The following UMOD variants were observed in gnomAD, a reference collection of about 807,000 sequenced individuals.
UMOD encodes the protein Tamm-Horsfall urinary glycoprotein.
A neutral mutation model predicts 66.0 loss-of-function variants in UMOD; 64 were observed. The observed-to-expected ratio is 0.97, with a 90% CI of 0.79 to 1.19. The LOEUF (loss-of-function observed/expected upper bound fraction) is 1.19. UMOD is among the 50% of genes most tolerant of loss of function. The pLI, the probability that UMOD is intolerant of heterozygous loss-of-function variation, is 0.00. For synonymous variants in UMOD, 398 were observed against 352.7 expected (o/e 1.13, Z -1.44); for missense variants, 764 against 850.9 (o/e 0.90, Z 1.27).
At chr16:20,349,818 C>T (rs1965803304) in intron 2 of UMOD, 5 of 1,550,090 alleles carry the variant, frequency 3.2e-6, no homozygotes, top group African/African-American at 2.7e-5. Flanking sequence ...AGTGTCGCCT[C>T]CTCTCTGCGG....
At chr16:20,349,302 ATTT>A in intron 2 of UMOD, 90 bp from the exon 3 acceptor site, 4 of 1,437,046 alleles carry the variant, frequency 2.8e-6, no homozygotes, top group Non-Finnish European at 3.8e-6. Context: ...GGAACTCATT[ATTT>A]TTAAGACTTA....
intron 5 of UMOD, among the ~76,000 whole-genome samples, chr16:20,345,400 T>TTTCTTTCTTTCTTTC (rs1555486827): frequency 5.1e-5 from 4 of 78,036 alleles, no homozygotes; most frequent in East Asian, 2.5e-4. Context: ...TTTTCTTTTT[T>TTTCTTTCTTTCTTTC]TTTCTTTCTT....
At chr16:20,336,940 C>A (rs1355408030) in intron 8 of UMOD, among the ~76,000 whole-genome samples, 1 of 152,186 alleles carries the variant, frequency 6.6e-6, no homozygotes, top group Non-Finnish European at 1.5e-5. Context: ...TTCTCTGAGC[C>A]CCTCTCCTCA....
chr16:20,344,203 T>TG lies in UMOD; in HGVS notation c.1183-32dup. On this transcript the variant is annotated intron_variant, in intron 5 of 10. Coordinates refer to ENST00000396138, the MANE Select transcript of UMOD (RefSeq NM_003361.4). ...GCAGGGAATGGGGGTGGAGGGGGGGTGGGGATGAGAGAAAGGGGCATGAGA... is the reference window on the plus strand; with the variant it reads ...GCAGGGAATGGGGGTGGAGGGGGGGTGGGGGATGAGAGAAAGGGGCATGAGA... The TG allele has an allele frequency of 8.3e-6, 5 of 604,022 alleles. No individual in the cohort carries two copies. The Admixed American group carries it at 8.8e-5, about 11-fold the overall frequency. 37.4% of individuals were successfully genotyped at this position (604,022 alleles called of 1,614,324 possible). A position where few individuals can be genotyped will look rare whatever the true frequency, so the allele number is the denominator to read the frequency against.
At chr16:20,354,630 C>G (rs1966004203), upstream of UMOD, among the ~76,000 whole-genome samples, 1 of 151,986 alleles carries the variant, frequency 6.6e-6, no homozygotes, top group Non-Finnish European at 1.5e-5. Flanking sequence ...GACAGTGACC[C>G]CAGGTGGCTT....
At chr16:20,347,301 G>A (rs1469743165) in intron 4 of UMOD, among the ~76,000 whole-genome samples, 1 of 152,160 alleles carries the variant, frequency 6.6e-6, no homozygotes, top group African/African-American at 2.4e-5. Flanking sequence ...GGGATTACAG[G>A]CATGAGCCAC....
chr16:20,350,396 G>A (rs560532432), intron 2 of UMOD, among the ~76,000 whole-genome samples: 1 of 152,304 alleles, frequency 6.6e-6, no homozygotes, highest in African/African-American at 2.4e-5. Flanking sequence ...GCATCGCCTG[G>A]AAGCTTGTTA....
At chr16:20,350,549 G>A (rs1323639387) in intron 2 of UMOD, 101 bp downstream of exon 2, 13 of 1,414,584 alleles carry the variant, frequency 9.2e-6, no homozygotes, top group Admixed American at 1.9e-5. Flanking sequence ...TGCGATAGGA[G>A]GATTGAGATC....
rs776749306 is a variant in UMOD at position 20,348,300 on chromosome 16, T to C, written c.896A>G (p.Glu299Gly). Residue 299 changes from glutamate to glycine, a missense_variant, in exon 4 of 11, where the codon GAG (glutamate) becomes GGG (glycine). Glu to Gly is a moderately conservative substitution (Grantham distance 98, BLOSUM62 -2). Coordinates refer to ENST00000396138, the MANE Select transcript of UMOD (RefSeq NM_003361.4). ...TTTGCAGTCCTCGTCTATACTGCAC[T>C]CCTCACACGTCCCCTCCACGGAGCT... ...DPSSVEGTCE[E>G]CSIDEDCKSN... The C allele has an allele frequency of 6.2e-7, 1 of 1,614,110 alleles. No individual in the cohort carries two copies. Among genetic ancestry groups the C allele is most frequent in the Non-Finnish European group, 8.5e-7 (1 of 1,180,054 alleles).
At chr16:20,335,295 C>A (rs1012750313) in intron 10 of UMOD, among the ~76,000 whole-genome samples, 187 bp downstream of exon 10, 1 of 152,140 alleles carries the variant, frequency 6.6e-6, no homozygotes, top group Admixed American at 6.5e-5. Flanking sequence ...CCAGCTCTTA[C>A]AATTAATAGA....
At chr16:20,338,743 C>T (rs1390861884) in intron 7 of UMOD, among the ~76,000 whole-genome samples, 2 of 151,906 alleles carry the variant, frequency 1.3e-5, no homozygotes, top group Non-Finnish European at 2.9e-5. Flanking sequence ...CCACCTGCCT[C>T]GGCCTCCCTG....
chr16:20,350,507 G>T, intron 2 of UMOD, 143 bp downstream of exon 2: 2 of 1,133,456 alleles, frequency 1.8e-6, no homozygotes, highest in Non-Finnish European at 1.3e-6. Context: ...TCTAAGAAAT[G>T]GACTTAGAAT....
chr16:20,339,511 C>T (rs1015964465), intron 7 of UMOD, among the ~76,000 whole-genome samples: 1 of 152,194 alleles, frequency 6.6e-6, no homozygotes, highest in Non-Finnish European at 1.5e-5. Context: ...CTGCTAATTG[C>T]AAAATGCTCT....
In UMOD at chr16:20,346,124, A is replaced by G. The variant is rs1965570163; in HGVS notation, c.1182+2T>C. 3 of 1,613,364 alleles carry G rather than the reference A, an allele frequency of 1.9e-6. No homozygotes were observed. The highest frequency in any genetic ancestry group is 2.2e-5 in the East Asian group (1 of 44,882). The stretch of plus-strand genomic sequence containing the variant: ...TTCTGTCCCCCACTGGCCAGGACGT[A>G]CCGTCAACACTGTCCCACAGGGGCC... On this transcript the variant is annotated splice_donor_variant, in intron 5 of 10. Transcript: ENST00000396138. LOFTEE classifies it high-confidence loss of function.
In UMOD at chr16:20,344,159, T is replaced by C. The variant is rs1596552335; in HGVS notation, c.1196A>G (p.His399Arg). The change falls in exon 6 of 11, where the codon CAT (histidine) becomes CGT (arginine). Residue 399 changes from histidine to arginine, a missense_variant. By Grantham distance (29) the His-to-Arg change is conservative (BLOSUM62 0). Coordinates refer to ENST00000396138, the MANE Select transcript of UMOD (RefSeq NM_003361.4). ...CGTVLTRNET[H>R]ATYSNTLYLA... Reference sequence around the variant, plus strand: ...GTAGAGGGTGTTGCTGTAAGTGGCATGGGTTTCATTCCTCTGTTGCAGGGA... The same window carrying C: ...GTAGAGGGTGTTGCTGTAAGTGGCACGGGTTTCATTCCTCTGTTGCAGGGA... 1 of 1,398,600 alleles carries C rather than the reference T, an allele frequency of 7.2e-7. No homozygotes were observed. The highest frequency in any genetic ancestry group is 3.5e-5 in the East Asian group (1 of 28,182). 86.6% of individuals were successfully genotyped at this position (1,398,600 alleles called of 1,614,324 possible). A position where few individuals can be genotyped will look rare whatever the true frequency, so the allele number is the denominator to read the frequency against.
chr16:20,350,665 C>T lies in UMOD; in HGVS notation c.73G>A (p.Asp25Asn), dbSNP rs772246118. The change falls in exon 2 of 11, where the codon GAC (aspartate) becomes AAC (asparagine). Residue 25 changes from aspartate (D) to asparagine (N), a missense_variant. Asp to Asn is a conservative substitution (Grantham distance 23). Coordinates refer to ENST00000396138, the MANE Select transcript of UMOD (RefSeq NM_003361.4). The part of the protein sequence containing the change: ...ASWFITTAAT[D>N]TSEARWCSEC... ...TTTCACTTACTTGCTTCTGAGGTGT[C>T]AGTGGCTGCAGTTGTGATGAACCAA... The T allele has an allele frequency of 7.6e-5, 123 of 1,614,056 alleles. No homozygotes were observed. Among genetic ancestry groups the T allele is most frequent in the Non-Finnish European group, 1.0e-4 (120 of 1,180,040 alleles).
At chr16:20,336,578 T>A (rs1005687003) in intron 9 of UMOD, 68 bp downstream of exon 9, 11 of 1,490,468 alleles carry the variant, frequency 7.4e-6, no homozygotes, top group Non-Finnish European at 1.0e-5. Context: ...TGCCAGGCTC[T>A]GTTATCCCTC....
rs1965738932 is a variant in UMOD, at chr16:20,348,821, G to A, written c.480C>T (p.Asp160=). 6.5e-7 allele frequency: 1 copy of A among 1,546,348 alleles called. No homozygotes were observed. Among genetic ancestry groups the A allele is most frequent in the Non-Finnish European group, 8.7e-7 (1 of 1,146,858 alleles). The change falls in exon 3 of 11, where the codon GAC becomes GAT. Residue 160 remains aspartate, a synonymous_variant. Transcript: ENST00000396138. ...CGAGCGCGTCGCCCTCGGGCACGCA[G>A]TCCAACCCCGGCCCGCAGGAGCCCG... The part of the protein sequence containing the change: ...CSPGSCGPGL[D]CVPEGDALVC...
chr16:20,349,585 G>C lies in UMOD; in HGVS notation c.89-373C>G, dbSNP rs116892778. ...CCTGCCTCAGCTTCCCAAAAAGTTG[G>C]GACCACAGGCACGTGCAATCGCGCC... On this transcript the variant is annotated intron_variant, in intron 2 of 10. Transcript: ENST00000396138. 2.8e-5 allele frequency: 36 copies of C among 1,306,226 alleles called. No homozygotes were observed. In the African/African-American group the frequency reaches 4.8e-4, roughly 17 times the overall value. 80.9% of individuals were successfully genotyped at this position (1,306,226 alleles called of 1,614,324 possible).
Sources: gnomAD v4.1 joint callset for allele counts (sites outside exome capture counted in the v4.1 genomes callset) on GRCh38, gnomAD v4.1.1 for gene constraint, MANE v1.5 for transcripts, NCBI Gene and HGNC (gene_info 2026-07-23, HGNC 2026-07-21) for gene names.